The following ZFYVE28 variants were observed in gnomAD, a reference collection of about 807,000 sequenced individuals.
The protein encoded by ZFYVE28 is lateral signaling target protein 2 homolog.
ZFYVE28 carries 40 observed loss-of-function variants against 82.1 expected under a neutral mutation model. The ratio of observed to expected loss-of-function variants is 0.49; its 90% CI spans 0.38 to 0.63. The LOEUF (loss-of-function observed/expected upper bound fraction) is 0.63. ZFYVE28 is among the 30% of genes least tolerant of loss of function. ZFYVE28 has a pLI of 0.00. For missense variants in ZFYVE28, 1,321 were observed against 1,242.1 expected, an observed-to-expected ratio of 1.06 and a Z score of -0.96; for synonymous variants, 612 against 546.1, an observed-to-expected ratio of 1.12 and a Z score of -1.68.
chr4:2,275,172 T>C (rs1015035339), intron 8 of ZFYVE28, among the ~76,000 whole-genome samples: 2 of 152,200 alleles, frequency 1.3e-5, no homozygotes, highest in African/African-American at 4.8e-5. Context: ...CCTTGGAGGC[T>C]GAGGGACCCT....
chr4:2,383,240 G>A (rs1467143549), intron 1 of ZFYVE28, among the ~76,000 whole-genome samples: 1 of 152,132 alleles, frequency 6.6e-6, no homozygotes, highest in Non-Finnish European at 1.5e-5. Flanking sequence ...CTCACATGTT[G>A]TGGGAGGGAC....
rs112504350 is a variant in ZFYVE28, at chr4:2,329,884, T to C, written c.701+5821A>G. Among the ~76,000 whole-genome samples the C allele has an allele frequency of 4.3e-3, 660 of 152,270 alleles. 5 individuals are homozygous for C. Among genetic ancestry groups the C allele is most frequent in the African/African-American group, 0.015 (641 of 41,552 alleles). Reference sequence around the variant, plus strand: ...ATGATTACAAGTAATACTTCGGGGATAATCTTTGTGGATATATATTTGTGC... The same window carrying C: ...ATGATTACAAGTAATACTTCGGGGACAATCTTTGTGGATATATATTTGTGC... On this transcript the variant is annotated intron_variant, in intron 6 of 12. Transcript: ENST00000290974.
chr4:2,332,933 G>A lies in ZFYVE28; in HGVS notation c.701+2772C>T, dbSNP rs964372571. Among the ~76,000 whole-genome samples the A allele has an allele frequency of 1.3e-5, 2 of 152,080 alleles. No individual in the cohort carries two copies. Among genetic ancestry groups the A allele is most frequent in the Non-Finnish European group, 2.9e-5 (2 of 68,000 alleles). On this transcript the variant is annotated intron_variant, in intron 6 of 12. Transcript: ENST00000290974. The surrounding 1 kb of genome is among the most constrained non-coding windows in gnomAD (Gnocchi z 4.7). ...ATGCCTGCCTCTGTGGGGGCTCACA[G>A]CTGGCCACCCCCCTGGACAGGCCTG...
At chr4:2,321,050 G>A (rs527604370) in intron 6 of ZFYVE28, among the ~76,000 whole-genome samples, 2 of 152,028 alleles carry the variant, frequency 1.3e-5, no homozygotes, top group African/African-American at 2.4e-5. Context: ...TCTCCTTGAG[G>A]GCACCCATCC....
At chr4:2,334,008 C>G (rs1411933261) in intron 6 of ZFYVE28, among the ~76,000 whole-genome samples, 2 of 152,194 alleles carry the variant, frequency 1.3e-5, no homozygotes, top group African/African-American at 4.8e-5. Flanking sequence ...CACCTTGTCG[C>G]TGGCCACTGG....
chr4:2,321,440 A>G (rs565644968), intron 6 of ZFYVE28, among the ~76,000 whole-genome samples: 43 of 152,310 alleles, frequency 2.8e-4, no homozygotes, highest in African/African-American at 9.4e-4. Flanking sequence ...AAGTATGTGC[A>G]GTGCTGCCTC....
At chr4:2,346,787 T>C (rs145274218) in intron 2 of ZFYVE28, among the ~76,000 whole-genome samples, 1 of 149,916 alleles carries the variant, frequency 6.7e-6, no homozygotes, top group South Asian at 2.1e-4. Flanking sequence ...AGCAGAAGCA[T>C]AAAAAATAAA....
At chr4:2,353,086 G>A (rs1251893496) in intron 2 of ZFYVE28, among the ~76,000 whole-genome samples, 6 of 152,236 alleles carry the variant, frequency 3.9e-5, no homozygotes, top group East Asian at 3.8e-4. Flanking sequence ...ATGGAAGGTG[G>A]AGGCTGCCAC....
chr4:2,271,514 GC>G, intron 11 of ZFYVE28, 100 bp from the exon 12 acceptor site: 1 of 1,452,666 alleles, frequency 6.9e-7, no homozygotes, highest in Non-Finnish European at 9.6e-7. Flanking sequence ...AGACTGCCAA[GC>G]CGCCTGGCCT....
At chr4:2,376,125 G>A (rs1728107894) in intron 1 of ZFYVE28, among the ~76,000 whole-genome samples, 1 of 151,548 alleles carries the variant, frequency 6.6e-6, no homozygotes, top group Non-Finnish European at 1.5e-5. Context: ...CGCCCGCCTC[G>A]GCCTCCCAAA....
Position 2,304,636 on chromosome 4 carries a change from C to G in ZFYVE28, c.1704G>C (p.Gly568=). 1.2e-6 allele frequency: 2 copies of G among 1,612,610 alleles called. No homozygotes were observed. The highest frequency in any genetic ancestry group is 1.7e-6 in the Non-Finnish European group (2 of 1,179,882). ...CGTCCTCCCTGCTGTCCCCGCAGCTCCCACAGCACACGCAGGAATGCAGAA... is the reference window on the plus strand; with the variant it reads ...CGTCCTCCCTGCTGTCCCCGCAGCTGCCACAGCACACGCAGGAATGCAGAA... The part of the protein sequence containing the change: ...NCLLHSCVCC[G]SCGDSREDVV... Residue 568 remains glycine (G), a synonymous_variant, in exon 8 of 13, where the codon GGG becomes GGC. Transcript: ENST00000290974.
At chr4:2,404,276 C>T (rs188451416) in intron 1 of ZFYVE28, among the ~76,000 whole-genome samples, 321 of 83,896 alleles carry the variant, frequency 3.8e-3, no homozygotes, top group South Asian at 0.015. Flanking sequence ...GAGCCAAGAT[C>T]GCGCCACTGC....
intron 8 of ZFYVE28, among the ~76,000 whole-genome samples, chr4:2,298,871 C>A (rs1330643053): frequency 6.6e-6 from 1 of 152,140 alleles, no homozygotes; most frequent in South Asian, 2.1e-4. Flanking sequence ...CCAGCCTCCT[C>A]CCGACTAGTC....
chr4:2,385,236 C>T (rs1159820277), intron 1 of ZFYVE28, among the ~76,000 whole-genome samples: 1 of 152,208 alleles, frequency 6.6e-6, no homozygotes, highest in African/African-American at 2.4e-5. Context: ...TGGAGGAGCA[C>T]AGTGATGACC....
At position 2,305,236 on chromosome 4, in the gene ZFYVE28, G is replaced by GGACTGGCA; in HGVS notation, c.1096_1103dup (p.Pro369AlafsTer93). ...CCTCCGCTCCTGGCCTGTGAGCTGG[G>GGACTGGCA]GACTGGCAGGCAATGGGCGGTGAAA... is the stretch of plus-strand genomic sequence containing the variant. On this transcript the variant is annotated frameshift_variant, in exon 8 of 13. Transcript: ENST00000290974. LOFTEE classifies it high-confidence loss of function. The GGACTGGCA allele has an allele frequency of 6.2e-7, 1 of 1,611,204 alleles. No homozygotes were observed. The highest frequency in any genetic ancestry group is 8.5e-7 in the Non-Finnish European group (1 of 1,178,708).
intron 9 of ZFYVE28, among the ~76,000 whole-genome samples, chr4:2,273,603 G>A (rs1303989462): frequency 1.3e-5 from 2 of 152,160 alleles, no homozygotes; most frequent in Non-Finnish European, 2.9e-5. Context: ...CAGGCTACGC[G>A]CTGAGGGACA....
chr4:2,370,748 T>G (rs914119348), intron 1 of ZFYVE28, among the ~76,000 whole-genome samples: 9 of 152,308 alleles, frequency 5.9e-5, no homozygotes, highest in African/African-American at 2.2e-4. Flanking sequence ...TGGGACCACC[T>G]GCAGTGGGCC....
At chr4:2,348,754 T>G (rs1723940057) in intron 2 of ZFYVE28, among the ~76,000 whole-genome samples, 1 of 152,242 alleles carries the variant, frequency 6.6e-6, no homozygotes. Context: ...TGGTCTAACA[T>G]CTGCATTTTC....
Position 2,341,665 on chromosome 4 carries a change from G to A in ZFYVE28, c.181-50C>T, listed in dbSNP as rs773606763. The stretch of plus-strand genomic sequence containing the variant: ...GCGCCAATCGCTGTGTCCAGCTGGC[G>A]GCCGCCATGTACTGCTGGAAAACAC... On this transcript the variant is annotated intron_variant, in intron 2 of 12. Coordinates refer to ENST00000290974, the MANE Select transcript of ZFYVE28 (RefSeq NM_020972.3). The surrounding 1 kb of genome is among the most constrained non-coding windows in gnomAD (Gnocchi z 4.5). 6.9e-5 allele frequency: 110 copies of A among 1,585,854 alleles called. No homozygotes were observed. Among genetic ancestry groups the A allele is most frequent in the South Asian group, 1.2e-4 (11 of 88,632 alleles).
Sources: allele counts gnomAD v4.1 joint callset (sites outside exome capture counted in the v4.1 genomes callset), GRCh38; gene constraint gnomAD v4.1.1; non-coding constraint Gnocchi (gnomAD v3.1); transcripts MANE v1.5; gene names NCBI Gene and HGNC (gene_info 2026-07-23, HGNC 2026-07-21).